Variants in TTN observed in about 807,000 individuals in gnomAD.
TTN encodes connectin.
In TTN, 1,525 loss-of-function variants were observed where a neutral mutation model predicts 3,223.0. The ratio of observed to expected loss-of-function variants is 0.47; its 90% CI spans 0.45 to 0.49. The LOEUF (loss-of-function observed/expected upper bound fraction) is 0.49. Ranked by LOEUF, TTN falls within the 20% of genes least tolerant of loss-of-function variation. The pLI is 0.00. For missense variants in TTN, 40,786 were observed against 43,424.0 expected (o/e 0.94, Z 5.40); for synonymous variants, 14,094 against 15,161.0 (o/e 0.93, Z 5.17).
chr2:178,599,319 C>G lies in TTN; in HGVS notation c.56474G>C (p.Arg18825Thr). Reference sequence around the variant, plus strand: ...GACCCATGTCTTCCTGTTAGCTTCTCTTTTCTCAATTACATAGTTTGTAAT... The same window carrying G: ...GACCCATGTCTTCCTGTTAGCTTCTGTTTTCTCAATTACATAGTTTGTAAT... The part of the protein sequence containing the change: ...SKITNYVIEK[R>T]EANRKTWVHV... The change falls in exon 290 of 363, where the codon AGA becomes ACA. Residue 18825 changes from arginine (R) to threonine (T), a missense_variant. Arg to Thr is a moderately conservative substitution (Grantham distance 71). Transcript: ENST00000589042. The G allele has an allele frequency of 1.9e-6, 3 of 1,610,172 alleles. No individual in the cohort carries two copies. Among genetic ancestry groups the G allele is most frequent in the East Asian group, 2.2e-5 (1 of 44,620 alleles).
Position 178,591,811 on chromosome 2 carries a change from C to G in TTN, c.60008G>C (p.Arg20003Pro). Reference sequence around the variant, plus strand: ...TCCAGTGATTGGAGAACCACCATCACGATCCGGCTTATTCCAGACTAGGGA... The same window carrying G: ...TCCAGTGATTGGAGAACCACCATCAGGATCCGGCTTATTCCAGACTAGGGA... ...EVSLVWNKPD[R>P]DGGSPITGYL... The change falls in exon 303 of 363, where the codon CGT becomes CCT. Residue 20003 changes from arginine (R) to proline (P), a missense_variant. Coordinates refer to ENST00000589042, the MANE Select transcript of TTN (RefSeq NM_001267550.2). The G allele has an allele frequency of 6.2e-7, 1 of 1,613,274 alleles. No individual in the cohort carries two copies. The highest frequency in any genetic ancestry group is 8.5e-7 in the Non-Finnish European group (1 of 1,179,568).
intron 6 of TTN, 143 bp downstream of exon 6, chr2:178,799,344 C>G (rs112196288): frequency 2.3e-6 from 3 of 1,305,542 alleles, no homozygotes; most frequent in Middle Eastern, 2.6e-4. Context: ...TGTATGCTCC[C>G]CTAGAGGTTT....
Position 178,721,192 on chromosome 2 carries a change from C to A in TTN, c.22827G>T (p.Lys7609Asn). 6.3e-7 allele frequency: 1 copy of A among 1,594,938 alleles called. No homozygotes were observed. The highest frequency in any genetic ancestry group is 1.1e-5 in the South Asian group (1 of 89,134). ...SAQLSVKEPP[K>N]FVKKLEASKV... ...TTGAAGCTTCTAATTTCTTAACAAA[C>A]TTTGGAGGTTCTAGTAAACCAAACA... Residue 7609 changes from lysine to asparagine, a missense_variant, in exon 79 of 363, where the codon AAG (lysine) becomes AAT (asparagine). Coordinates refer to ENST00000589042, the MANE Select transcript of TTN (RefSeq NM_001267550.2).
rs758231381 is a variant in TTN at position 178,721,994 on chromosome 2, G to T, written c.22669C>A (p.Pro7557Thr). Residue 7557 changes from proline (P) to threonine (T), a missense_variant, in exon 78 of 363, where the codon CCT becomes ACT. Pro to Thr is a conservative substitution (Grantham distance 38, BLOSUM62 -1). Coordinates refer to ENST00000589042, the MANE Select transcript of TTN (RefSeq NM_001267550.2). ...CATGTGATTGTATAGTTTCCTCCAG[G>T]ACGGATCTCCTTGTTATCTTTTGAC... is the stretch of plus-strand genomic sequence containing the variant. ...TWSKDNKEIR[P>T]GGNYTITCVG... The T allele has an allele frequency of 2.5e-6, 4 of 1,613,512 alleles. No homozygotes were observed. In the South Asian group the frequency reaches 4.4e-5, roughly 18 times the overall value.
At chr2:178,804,695 A>G (rs937093768) in intron 1 of TTN, 40 bp from the exon 2 acceptor site, 4 of 1,579,626 alleles carry the variant, frequency 2.5e-6, no homozygotes, top group Non-Finnish European at 3.5e-6. Flanking sequence ...GTCCCAGCTA[A>G]GGGTCACTCT....
intron 47 of TTN, chr2:178,748,790 G>C: frequency 6.2e-7 from 1 of 1,612,126 alleles, no homozygotes; most frequent in Non-Finnish European, 8.5e-7. Flanking sequence ...ATGAGTTTGA[G>C]AGGAAAGCAG....
chr2:178,541,862 T>C (rs181858176), intron 349 of TTN: 297 of 221,572 alleles, frequency 1.3e-3, no homozygotes, highest in African/African-American at 6.2e-3. Flanking sequence ...GGTTTAATTT[T>C]GTACTTTCCT....
At position 178,574,546 on chromosome 2, in the gene TTN, A is replaced by G. The variant is rs1709395368; in HGVS notation, c.71586T>C (p.His23862=). 6.2e-7 allele frequency: 1 copy of G among 1,613,612 alleles called. No homozygotes were observed. Among genetic ancestry groups the G allele is most frequent in the Non-Finnish European group, 8.5e-7 (1 of 1,179,630 alleles). Residue 23862 remains histidine, a synonymous_variant, in exon 326 of 363, where the codon CAT becomes CAC. Transcript: ENST00000589042. ...TACCATTTCGTTCTTTTCTTTCAAC[A>G]TGATATCCTAAAATGGGGCTTCCAC... ...SDGGSPILGY[H]VERKERNGIL...
In TTN at chr2:178,614,328, C is replaced by A. The variant is rs773210401; in HGVS notation, c.49069G>T (p.Ala16357Ser). 6.2e-7 allele frequency: 1 copy of A among 1,612,534 alleles called. No homozygotes were observed. Among genetic ancestry groups the A allele is most frequent in the South Asian group, 1.1e-5 (1 of 91,004 alleles). The change falls in exon 262 of 363, where the codon GCC becomes TCC. Residue 16357 changes from alanine (A) to serine (S), a missense_variant. By Grantham distance (99) the Ala-to-Ser change is moderately conservative. Transcript: ENST00000589042. ...NVLDKPGPPA[A>S]FDITDVTNES... ...TTGGTTACATCTGTGATGTCAAAGGCAGCTGGTGGTCCGGGTTTATCTGTG... is the reference window on the plus strand; with the variant it reads ...TTGGTTACATCTGTGATGTCAAAGGAAGCTGGTGGTCCGGGTTTATCTGTG...
intron 235 of TTN, 22 bp downstream of exon 235, chr2:178,632,504 A>G: frequency 6.2e-7 from 1 of 1,607,824 alleles, no homozygotes; most frequent in Non-Finnish European, 8.5e-7. Flanking sequence ...TTTGGGGTGG[A>G]CTATTTGATA....
Position 178,532,317 on chromosome 2 carries a change from A to G in TTN, c.104298T>C (p.Ala34766=), listed in dbSNP as rs751788327. 3.8e-5 allele frequency: 61 copies of G among 1,613,850 alleles called. No homozygotes were observed. The Admixed American group carries it at 9.7e-4, about 26-fold the overall frequency. Residue 34766 remains alanine (A), a synonymous_variant, in exon 358 of 363, where the codon GCT becomes GCC. Transcript: ENST00000589042. ...RQPKQRQRIM[A]EREDEELLRP... The stretch of plus-strand genomic sequence containing the variant: ...GAAGCAACTCTTCATCCTCCCTCTC[A>G]GCCATGATTCTTTGCCGTTGCTTTG...
chr2:178,573,251 T>G lies in TTN; in HGVS notation c.72881A>C (p.Glu24294Ala), dbSNP rs766386367. Residue 24294 changes from glutamate (E) to alanine (A), a missense_variant, in exon 326 of 363, where the codon GAG (glutamate) becomes GCG (alanine). Transcript: ENST00000589042. ...VSGLTEGHEY[E>A]FRIMAENAAG... Reference sequence around the variant, plus strand: ...AGCATTTTCAGCCATAATCCTGAACTCATATTCATGTCCTTCTGTCAGTCC... The same window carrying G: ...AGCATTTTCAGCCATAATCCTGAACGCATATTCATGTCCTTCTGTCAGTCC... 5 of 1,606,440 alleles carry G rather than the reference T, an allele frequency of 3.1e-6. No homozygotes were observed. In the Admixed American group the frequency reaches 8.4e-5, roughly 27 times the overall value.
In TTN at chr2:178,663,723, T is replaced by A. The variant is rs2065230499; in HGVS notation, c.36449-13A>T. 1.2e-6 allele frequency: 2 copies of A among 1,612,800 alleles called. No homozygotes were observed. The highest frequency in any genetic ancestry group is 1.7e-5 in the Admixed American group (1 of 59,752). ...GGAGGCTCTGGTACTTAAAAGATATTAGCAAAATTACATTCAGAAGTTATG... is the reference window on the plus strand; with the variant it reads ...GGAGGCTCTGGTACTTAAAAGATATAAGCAAAATTACATTCAGAAGTTATG... On this transcript the variant is annotated splice_polypyrimidine_tract_variant and intron_variant, in intron 170 of 362. Transcript: ENST00000589042.
rs373367032 is a variant in TTN at position 178,681,074 on chromosome 2, T to G, written c.33340+5A>C. 2.0e-4 allele frequency: 326 copies of G among 1,595,866 alleles called. No homozygotes were observed. The highest frequency in any genetic ancestry group is 2.7e-4 in the Non-Finnish European group (318 of 1,173,314). On this transcript the variant is annotated splice_donor_5th_base_variant and intron_variant, in intron 138 of 362. Coordinates refer to ENST00000589042, the MANE Select transcript of TTN (RefSeq NM_001267550.2). ...GATCACAATCGAGGAAGGAAATCAT[T>G]ATACCTTTAGCAGCGGGTTCAGTCA...
chr2:178,572,551 C>A lies in TTN; in HGVS notation c.73581G>T (p.Lys24527Asn), dbSNP rs763480481. 1 of 1,613,418 alleles carries A rather than the reference C, an allele frequency of 6.2e-7. No homozygotes were observed. The highest frequency in any genetic ancestry group is 8.5e-7 in the Non-Finnish European group (1 of 1,179,624). The change falls in exon 326 of 363, where the codon AAG becomes AAT. Residue 24527 changes from lysine (K) to asparagine (N), a missense_variant. Coordinates refer to ENST00000589042, the MANE Select transcript of TTN (RefSeq NM_001267550.2). ...CAGATGTCTTAGTGACCTCTTTTAC[C>A]TTCAGATCCTGTGGGGGGCCTGGTG... Reference protein sequence around the residue: ...LDTPGPPQDLKVKEVTKTSVT... With the variant: ...LDTPGPPQDLNVKEVTKTSVT...
At chr2:178,536,767 T>G in intron 356 of TTN, 171 bp downstream of exon 356, 1 of 801,536 alleles carries the variant, frequency 1.2e-6, no homozygotes. Flanking sequence ...GGGGTTAGGA[T>G]ATATATTTCT....
chr2:178,668,664 G>A (rs1326726502), intron 159 of TTN, among the ~76,000 whole-genome samples: 8 of 151,584 alleles, frequency 5.3e-5, no homozygotes, highest in African/African-American at 7.3e-5. Context: ...CCCAGGAGAC[G>A]GAGGTTGCAG....
At position 178,634,341 on chromosome 2, in the gene TTN, T is replaced by A; in HGVS notation, c.42415+25A>T. ...TATATTTGCATGCCTTTATGGGATG[T>A]CACAGATCTCATTAGCTCGCTTACC... is the stretch of plus-strand genomic sequence containing the variant. On this transcript the variant is annotated intron_variant, in intron 230 of 362. Coordinates refer to ENST00000589042, the MANE Select transcript of TTN (RefSeq NM_001267550.2). This position sits in a 1 kb window ranked among gnomAD's most constrained non-coding sequence, Gnocchi z 4.6. 6.3e-7 allele frequency: 1 copy of A among 1,588,056 alleles called. No individual in the cohort carries two copies. Among genetic ancestry groups the A allele is most frequent in the South Asian group, 1.2e-5 (1 of 85,700 alleles).
chr2:178,756,113 T>C, intron 46 of TTN, 109 bp downstream of exon 46: 2 of 843,526 alleles, frequency 2.4e-6, no homozygotes, highest in Non-Finnish European at 3.7e-6. Context: ...AGGGTGCTAA[T>C]TTAGAGATAT....
Sources: allele counts gnomAD v4.1 joint callset (sites outside exome capture counted in the v4.1 genomes callset), GRCh38; gene constraint gnomAD v4.1.1; non-coding constraint Gnocchi (gnomAD v3.1); transcripts MANE v1.5; gene names NCBI Gene and HGNC (gene_info 2026-07-23, HGNC 2026-07-21).